SMYD3: variants seen among roughly 807,000 people sequenced by gnomAD.
SMYD3 encodes SET and MYND domain containing 3.
In SMYD3, 36 loss-of-function variants were observed where a neutral mutation model predicts 57.7. That is an observed-to-expected ratio of 0.62 (90% confidence interval 0.48 to 0.82). SMYD3 has a LOEUF of 0.82. SMYD3 is among the 40% of genes least tolerant of loss of function. The pLI is 0.00. For missense variants in SMYD3, 515 were observed against 538.8 expected (o/e 0.96, Z 0.44); for synonymous variants, 211 against 195.0 (o/e 1.08, Z -0.68).
At chr1:246,335,866 C>T (rs904435342) in intron 2 of SMYD3, among the ~76,000 whole-genome samples, 3 of 152,116 alleles carry the variant, frequency 2.0e-5, no homozygotes, top group African/African-American at 4.8e-5. Context: ...GAAAATAAAA[C>T]GTGGTTCAGA....
intron 5 of SMYD3, among the ~76,000 whole-genome samples, chr1:246,128,610 G>A (rs907928841): frequency 2.2e-4 from 33 of 152,174 alleles, no homozygotes; most frequent in African/African-American, 8.0e-4. Context: ...TACAACAGCT[G>A]TTCTACATGG....
At chr1:246,335,283 AC>A in intron 3 of SMYD3, 83 bp downstream of exon 3, 1 of 1,180,672 alleles carries the variant, frequency 8.5e-7, no homozygotes, top group Non-Finnish European at 1.2e-6. Flanking sequence ...TGAACCTGCA[AC>A]ATCTCTGAGG....
At chr1:246,322,725 A>G (rs1405249020) in intron 5 of SMYD3, among the ~76,000 whole-genome samples, 1 of 152,176 alleles carries the variant, frequency 6.6e-6, no homozygotes, top group Non-Finnish European at 1.5e-5. Context: ...AAGTTTTTTA[A>G]AAAAAACAAA....
chr1:245,872,585 C>A (rs1232615731), intron 8 of SMYD3, among the ~76,000 whole-genome samples: 1 of 152,222 alleles, frequency 6.6e-6, no homozygotes. Context: ...TGAGCCCAAT[C>A]CAAACAAAAA....
rs372597892 is a variant in SMYD3, at chr1:245,775,555, C to T, written c.1077-11406G>A. ...CATCACCACTCCCTAATCTCAAGTACCCAGGGACACAAACACTGCGGAAGG... is the reference window on the plus strand; with the variant it reads ...CATCACCACTCCCTAATCTCAAGTATCCAGGGACACAAACACTGCGGAAGG... On this transcript the variant is annotated intron_variant, in intron 10 of 11. Transcript: ENST00000490107. Among the ~76,000 whole-genome samples the T allele has an allele frequency of 8.6e-5, 13 of 150,926 alleles. No homozygotes were observed. The East Asian group carries it at 1.4e-3, about 16-fold the overall frequency.
At chr1:245,761,566 A>C (rs1316640654) in intron 11 of SMYD3, among the ~76,000 whole-genome samples, 1 of 152,214 alleles carries the variant, frequency 6.6e-6, no homozygotes, top group East Asian at 1.9e-4. Context: ...ATAAGAAGCA[A>C]TCTAAATCTT....
chr1:246,063,383 G>A (rs559531944), intron 5 of SMYD3, among the ~76,000 whole-genome samples: 1 of 152,302 alleles, frequency 6.6e-6, no homozygotes, highest in African/African-American at 2.4e-5. Flanking sequence ...CTCCTGGAAG[G>A]ACAGCAGGGG....
chr1:246,367,578 G>A (rs1406903788), intron 1 of SMYD3, among the ~76,000 whole-genome samples: 2 of 152,030 alleles, frequency 1.3e-5, no homozygotes, highest in African/African-American at 2.4e-5. Flanking sequence ...GATTACAGGC[G>A]TGCACAAACA....
chr1:246,076,481 G>A (rs1330272515), intron 5 of SMYD3, among the ~76,000 whole-genome samples: 1 of 149,268 alleles, frequency 6.7e-6, no homozygotes, highest in Non-Finnish European at 1.5e-5. Context: ...GTTTCAATGT[G>A]ACTCCTCTGG....
intron 10 of SMYD3, among the ~76,000 whole-genome samples, chr1:245,856,606 A>G (rs1200520036): frequency 2.0e-5 from 3 of 152,222 alleles, no homozygotes; most frequent in Non-Finnish European, 2.9e-5. Context: ...TAGTGCCTCA[A>G]AGAGGCCCTG....
chr1:245,944,992 T>C (rs1307602907), intron 5 of SMYD3, among the ~76,000 whole-genome samples: 2 of 152,068 alleles, frequency 1.3e-5, no homozygotes, highest in Non-Finnish European at 2.9e-5. Context: ...TAACTCAAGA[T>C]GGATTAAAGA....
intron 1 of SMYD3, among the ~76,000 whole-genome samples, chr1:246,451,378 C>A (rs1486789722): frequency 6.6e-6 from 1 of 152,082 alleles, no homozygotes. Flanking sequence ...GCGAAAGAAG[C>A]CAATGTGAAA....
intron 10 of SMYD3, among the ~76,000 whole-genome samples, chr1:245,794,051 C>T (rs77857663): frequency 0.033 from 5,075 of 152,218 alleles, 140 homozygotes; most frequent in East Asian, 0.11. Context: ...TAATCATTTA[C>T]ATGTATGGTG....
intron 5 of SMYD3, among the ~76,000 whole-genome samples, chr1:245,993,579 A>AT (rs1558566117): frequency 1.0e-4 from 3 of 30,074 alleles, no homozygotes; most frequent in Non-Finnish European, 1.5e-4. Flanking sequence ...AAAAAAAAAA[A>AT]AGATAGATAG....
intron 7 of SMYD3, among the ~76,000 whole-genome samples, chr1:245,916,251 C>T (rs1056090234): frequency 1.3e-5 from 2 of 152,172 alleles, no homozygotes; most frequent in African/African-American, 2.4e-5. Flanking sequence ...GACTGCCTTA[C>T]ACCCTTTCAG....
chr1:246,174,582 G>T (rs915954759), intron 5 of SMYD3, among the ~76,000 whole-genome samples: 1 of 152,162 alleles, frequency 6.6e-6, no homozygotes. Context: ...GAGTAGCTGG[G>T]ACTACAGGCA....
chr1:245,833,073 A>AAAAAAAAAAAAAAAAAC lies in SMYD3; in HGVS notation c.1076+25422_1076+25423insGTTTTTTTTTTTTTTTT. Among the ~76,000 whole-genome samples, 878 of 128,304 alleles carry AAAAAAAAAAAAAAAAAC rather than the reference A, an allele frequency of 6.8e-3. 54 individuals carry two copies. The highest frequency in any genetic ancestry group is 0.023 in the African/African-American group (770 of 33,338). The allele number at this position is 128,304 out of a possible 152,430, so 84.2% of individuals were successfully genotyped here. ...GGAATATGTGACAAAAAAAAAAAAA[A>AAAAAAAAAAAAAAAAAC]AACCTGCTTTTATAATGCTGATTCA... On this transcript the variant is annotated intron_variant, in intron 10 of 11. Transcript: ENST00000490107.
intron 10 of SMYD3, among the ~76,000 whole-genome samples, chr1:245,764,749 C>T (rs36100551): frequency 0.13 from 20,172 of 151,978 alleles, 1,671 homozygotes; most frequent in Admixed American, 0.28. Context: ...CATCTGCGTT[C>T]TCCATGATGT....
At chr1:246,439,582 T>C (rs1046552553) in intron 1 of SMYD3, among the ~76,000 whole-genome samples, 1 of 152,012 alleles carries the variant, frequency 6.6e-6, no homozygotes, top group Non-Finnish European at 1.5e-5. Flanking sequence ...CTTTAGCTTC[T>C]CTCCTCTCAC....
Sources: allele counts gnomAD v4.1 joint callset (sites outside exome capture counted in the v4.1 genomes callset), GRCh38; gene constraint gnomAD v4.1.1; transcripts MANE v1.5; gene names NCBI Gene and HGNC (gene_info 2026-07-23, HGNC 2026-07-21).